CPEB1: variants seen among roughly 807,000 people sequenced by gnomAD.
CPEB1 encodes the protein cytoplasmic polyadenylation element binding protein 1.
CPEB1 carries 7 observed loss-of-function variants against 65.8 expected under a neutral mutation model. The observed-to-expected ratio is 0.11, with a 90% CI of 0.06 to 0.20. The LOEUF (loss-of-function observed/expected upper bound fraction) is 0.20, where lower values mean the gene tolerates loss of function less well. Ranked by LOEUF, CPEB1 falls within the 10% of genes least tolerant of loss-of-function variation. The pLI, the probability that CPEB1 is intolerant of heterozygous loss-of-function variation, is 1.00. For synonymous variants in CPEB1, 262 were observed against 260.0 expected (o/e 1.01, Z -0.08); for missense variants, 551 against 712.2 (o/e 0.77, Z 2.58).
intron 4 of CPEB1, 26 bp downstream of exon 4, chr15:82,571,318 C>T: frequency 6.3e-7 from 1 of 1,598,390 alleles, no homozygotes; most frequent in South Asian, 1.1e-5. Flanking sequence ...CCCCTTACCC[C>T]AGCCAACTCA....
upstream of CPEB1, chr15:82,648,762 AC>A (rs1206636107): frequency 6.6e-6 from 1 of 152,324 alleles, no homozygotes; most frequent in African/African-American, 2.4e-5. Flanking sequence ...TCTGACCAGG[AC>A]TGAGGATGAT....
chr15:82,561,789 A>C (rs576072844), intron 4 of CPEB1, among the ~76,000 whole-genome samples: 1 of 152,312 alleles, frequency 6.6e-6, no homozygotes, highest in South Asian at 2.1e-4. Flanking sequence ...CAAAGCTAGG[A>C]ATTATCTCTG....
At chr15:82,632,652 C>T (rs1037999805) in intron 1 of CPEB1, among the ~76,000 whole-genome samples, 1 of 151,984 alleles carries the variant, frequency 6.6e-6, no homozygotes, top group Non-Finnish European at 1.5e-5. Context: ...AGTAGCTGGA[C>T]TACAGACAGG....
chr15:82,564,849 G>A (rs1369937751), intron 4 of CPEB1, among the ~76,000 whole-genome samples: 1 of 152,006 alleles, frequency 6.6e-6, no homozygotes, highest in African/African-American at 2.4e-5. Flanking sequence ...GGGATCTTCA[G>A]GGCCACTGCA....
chr15:82,636,693 C>A (rs887887495), intron 1 of CPEB1, among the ~76,000 whole-genome samples: 1 of 152,136 alleles, frequency 6.6e-6, no homozygotes, highest in African/African-American at 2.4e-5. Context: ...CTATAAAGGT[C>A]CCTCACAACC....
intron 1 of CPEB1, chr15:82,633,124 C>T (rs553321116): frequency 9.2e-5 from 14 of 152,092 alleles, no homozygotes; most frequent in African/African-American, 3.1e-4. Flanking sequence ...CTACTGTCAA[C>T]GGGAAAGAAG....
intron 3 of CPEB1, among the ~76,000 whole-genome samples, chr15:82,595,471 T>G (rs1355610349): frequency 6.6e-6 from 1 of 152,228 alleles, no homozygotes; most frequent in East Asian, 1.9e-4. Flanking sequence ...GCCTTTTTGC[T>G]ACAGGCATCC....
upstream of CPEB1, chr15:82,648,479 G>A (rs926283642): frequency 3.3e-5 from 5 of 152,336 alleles, no homozygotes; most frequent in Admixed American, 2.6e-4. Context: ...GGGGCCGCGA[G>A]AGTCAGGAAG....
upstream of CPEB1, chr15:82,647,975 C>T: frequency 3.3e-6 from 3 of 917,122 alleles, no homozygotes; most frequent in Non-Finnish European, 4.3e-6. Context: ...GCGCGCAGCC[C>T]CGCACCCCGG....
intron 1 of CPEB1, 185 bp from the exon 2 acceptor site, chr15:82,628,741 C>G (rs1567233101): frequency 2.7e-6 from 1 of 367,506 alleles, no homozygotes; most frequent in Non-Finnish European, 4.9e-6. Context: ...TCAATCCTTC[C>G]TCTTCCTCGG....
intron 1 of CPEB1, among the ~76,000 whole-genome samples, chr15:82,645,082 C>T (rs1393542210): frequency 6.6e-6 from 1 of 152,238 alleles, no homozygotes; most frequent in East Asian, 1.9e-4. Flanking sequence ...GCTGGCACAA[C>T]CTCCCTCCCA....
rs146739527 is a variant in CPEB1, at chr15:82,546,574, G to A, written c.1576-53C>T. On this transcript the variant is annotated intron_variant, in intron 11 of 12. Coordinates refer to ENST00000684509, the MANE Select transcript of CPEB1 (RefSeq NM_001365242.1). ...AGTGGCTCTTCTTACCAGGAGGCTC[G>A]ATAGGCGATAGAAGAAGGGCACATT... 3,011 of 1,323,080 alleles carry A rather than the reference G, an allele frequency of 2.3e-3. 3 individuals carry two copies. Among genetic ancestry groups the A allele is most frequent in the Non-Finnish European group, 2.8e-3 (2,602 of 915,552 alleles). 82.0% of individuals were successfully genotyped at this position (1,323,080 alleles called of 1,614,324 possible).
chr15:82,558,093 A>G (rs1482063259), intron 4 of CPEB1, 107 bp from the exon 5 acceptor site: 11 of 737,032 alleles, frequency 1.5e-5, no homozygotes, highest in Non-Finnish European at 2.0e-5. Flanking sequence ...AGGCAAGACA[A>G]CTAAAAGCAT....
Position 82,631,050 on chromosome 15 carries a change from A to AT in CPEB1, c.-97-2495dup, listed in dbSNP as rs2046203439. Among the ~76,000 whole-genome samples, 4 of 152,232 alleles carry AT rather than the reference A, an allele frequency of 2.6e-5. No individual in the cohort carries two copies. In the South Asian group the frequency reaches 8.3e-4, roughly 31 times the overall value. On this transcript the variant is annotated intron_variant, in intron 1 of 12. Coordinates refer to ENST00000684509, the MANE Select transcript of CPEB1 (RefSeq NM_001365242.1). ...GAGACCACCAGCAACTACATGACAG[A>AT]TAAGTGGCAGAAGGATTAGTGAGAA...
chr15:82,612,646 C>T (rs1488028677), intron 3 of CPEB1, among the ~76,000 whole-genome samples: 1 of 151,882 alleles, frequency 6.6e-6, no homozygotes, highest in East Asian at 1.9e-4. Flanking sequence ...ATCAGCCTGG[C>T]CAAGATGGTG....
chr15:82,574,789 G>A (rs1045665414), intron 3 of CPEB1, among the ~76,000 whole-genome samples: 19 of 143,128 alleles, frequency 1.3e-4, no homozygotes, highest in Admixed American at 5.7e-4. Context: ...ACTCAACAGC[G>A]CTAAAAAGTG....
At position 82,549,676 on chromosome 15, in the gene CPEB1, G is replaced by T. The variant is rs746278131; in HGVS notation, c.1282-18C>A. ...ACCTGCACCTGAAAACCACCCAAAGGTGTATCAGCCCTGGCAGAGAGCCAC... is the reference window on the plus strand; with the variant it reads ...ACCTGCACCTGAAAACCACCCAAAGTTGTATCAGCCCTGGCAGAGAGCCAC... On this transcript the variant is annotated intron_variant, in intron 9 of 12. Transcript: ENST00000684509. 1 of 1,612,856 alleles carries T rather than the reference G, an allele frequency of 6.2e-7. No individual in the cohort carries two copies. The highest frequency in any genetic ancestry group is 1.1e-5 in the South Asian group (1 of 91,026).
intron 4 of CPEB1, among the ~76,000 whole-genome samples, chr15:82,561,756 T>A (rs902381842): frequency 6.6e-5 from 10 of 152,220 alleles, no homozygotes; most frequent in African/African-American, 2.2e-4. Context: ...AAAGGTATCT[T>A]GAGGCTTTGT....
At chr15:82,638,624 T>C (rs1420435643) in intron 1 of CPEB1, 2 of 152,196 alleles carry the variant, frequency 1.3e-5, no homozygotes, top group Non-Finnish European at 2.9e-5. Flanking sequence ...CATAGTTTGT[T>C]AGTTGTTCTT....
Sources: allele counts gnomAD v4.1 joint callset (sites outside exome capture counted in the v4.1 genomes callset), GRCh38; gene constraint gnomAD v4.1.1; transcripts MANE v1.5; gene names NCBI Gene and HGNC (gene_info 2026-07-23, HGNC 2026-07-21).